The following CFDP1 variants were observed in gnomAD, a reference collection of about 807,000 sequenced individuals.
CFDP1 encodes the protein chromatin remodeling protein CFDP1.
In CFDP1, 31 loss-of-function variants were observed where a neutral mutation model predicts 40.1. The observed-to-expected ratio is 0.77, with a 90% CI of 0.58 to 1.04. The LOEUF is 1.04. CFDP1 is among the 50% of genes least tolerant of loss of function. The probability of loss-of-function intolerance (pLI) is 0.00; values close to 1 mark genes in which losing one functional copy is unlikely to be tolerated. For synonymous variants in CFDP1, 167 were observed against 120.0 expected, an observed-to-expected ratio of 1.39 and a Z score of -2.56; for missense variants, 423 against 343.4, an observed-to-expected ratio of 1.23 and a Z score of -1.83.
rs748081401 is a variant in CFDP1 at position 75,346,582 on chromosome 16, C to CAAAAAAAAAAA, written c.651-41411_651-41401dup. ...TGGGTGACAGAGCAAGACTCTGTCTCAAAAAAAAAAAAAAAAAAAAAAAAA... is the reference window on the plus strand; with the variant it reads ...TGGGTGACAGAGCAAGACTCTGTCTCAAAAAAAAAAAAAAAAAAAAAAAAAAAAAAAAAAAA... On this transcript the variant is annotated intron_variant, in intron 5 of 6. Coordinates refer to ENST00000283882, the MANE Select transcript of CFDP1 (RefSeq NM_006324.3). 8.3e-4 allele frequency among the ~76,000 whole-genome samples: 49 copies of CAAAAAAAAAAA among 59,342 alleles called. 2 individuals are homozygous for CAAAAAAAAAAA. Among genetic ancestry groups the CAAAAAAAAAAA allele is most frequent in the East Asian group, 2.4e-3 (4 of 1,666 alleles). 38.9% of individuals were successfully genotyped at this position (59,342 alleles called of 152,430 possible).
intron 5 of CFDP1, among the ~76,000 whole-genome samples, chr16:75,307,734 T>A (rs2078268339): frequency 6.6e-6 from 1 of 152,084 alleles, no homozygotes; most frequent in Admixed American, 6.6e-5. Flanking sequence ...ATCTTTTTTA[T>A]GTTTTGTAGA....
At chr16:75,357,195 G>A (rs904441501) in intron 5 of CFDP1, among the ~76,000 whole-genome samples, 30 of 151,900 alleles carry the variant, frequency 2.0e-4, no homozygotes, top group African/African-American at 7.0e-4. Context: ...TTACAGGTGT[G>A]AGCCACCTCG....
intron 5 of CFDP1, among the ~76,000 whole-genome samples, chr16:75,391,763 G>A (rs2078953397): frequency 2.0e-5 from 3 of 152,048 alleles, no homozygotes; most frequent in Middle Eastern, 3.4e-3. Context: ...GAGGTCAGGA[G>A]TTCAAGACCA....
Position 75,321,729 on chromosome 16 carries a change from A to C in CFDP1, c.651-16547T>G, listed in dbSNP as rs9926644. Among the ~76,000 whole-genome samples, 1,288 of 152,318 alleles carry C rather than the reference A, an allele frequency of 8.5e-3. 19 individuals carry two copies. The highest frequency in any genetic ancestry group is 0.029 in the African/African-American group (1,219 of 41,562). ...CACCCCTGCTTTAAACCATAAATTT[A>C]AGATTATATATAAGCATCCAGAAGA... On this transcript the variant is annotated intron_variant, in intron 5 of 6. Coordinates refer to ENST00000283882, the MANE Select transcript of CFDP1 (RefSeq NM_006324.3).
At chr16:75,392,977 A>G (rs1354366486) in intron 5 of CFDP1, among the ~76,000 whole-genome samples, 1 of 152,238 alleles carries the variant, frequency 6.6e-6, no homozygotes, top group Non-Finnish European at 1.5e-5. Flanking sequence ...TATGAAGTAG[A>G]TAAAGATGTA....
intron 5 of CFDP1, among the ~76,000 whole-genome samples, chr16:75,341,264 T>C (rs1415638930): frequency 1.3e-5 from 2 of 152,228 alleles, no homozygotes; most frequent in Non-Finnish European, 2.9e-5. Flanking sequence ...CCCGTCCACC[T>C]GCACCACATA....
rs146384384 is a variant in CFDP1, at chr16:75,406,004, G to A, written c.530+5821C>T. On this transcript the variant is annotated intron_variant, in intron 4 of 6. Transcript: ENST00000283882. ...CACCTGTAATCCCAGCACTTTGGGA[G>A]GCCAAAGCAGGAGGATCACTTGAGG... 4.4e-3 allele frequency among the ~76,000 whole-genome samples: 675 copies of A among 152,216 alleles called. 7 individuals carry two copies. The highest frequency in any genetic ancestry group is 0.016 in the African/African-American group (645 of 41,526).
chr16:75,415,493 A>T (rs1260029846), intron 1 of CFDP1, among the ~76,000 whole-genome samples: 1 of 152,222 alleles, frequency 6.6e-6, no homozygotes, highest in Non-Finnish European at 1.5e-5. Context: ...GCAGCATCCC[A>T]GAAGGCCCCC....
At chr16:75,397,562 G>C (rs1463924236) in intron 4 of CFDP1, among the ~76,000 whole-genome samples, 1 of 149,246 alleles carries the variant, frequency 6.7e-6, no homozygotes, top group Non-Finnish European at 1.5e-5. Flanking sequence ...CAGCACTTTG[G>C]GAGACTGAGG....
chr16:75,389,994 C>T (rs1246639512), intron 5 of CFDP1, among the ~76,000 whole-genome samples: 4 of 152,236 alleles, frequency 2.6e-5, no homozygotes, highest in African/African-American at 7.2e-5. Context: ...TAAACACGTA[C>T]ATTTTCACGT....
intron 5 of CFDP1, among the ~76,000 whole-genome samples, chr16:75,348,170 A>AG (rs2078583420): frequency 3.9e-5 from 6 of 152,170 alleles, no homozygotes; most frequent in African/African-American, 1.4e-4. Context: ...CCCAGGCTGG[A>AG]GTACAGTGGT....
At chr16:75,329,709 C>G (rs2078431191) in intron 5 of CFDP1, among the ~76,000 whole-genome samples, 1 of 152,200 alleles carries the variant, frequency 6.6e-6, no homozygotes, top group Non-Finnish European at 1.5e-5. Flanking sequence ...TCTACATGTG[C>G]AATCCTTTTT....
intron 5 of CFDP1, among the ~76,000 whole-genome samples, chr16:75,390,068 T>A (rs1015385645): frequency 6.6e-6 from 1 of 152,372 alleles, no homozygotes; most frequent in African/African-American, 2.4e-5. Context: ...TTATGTTCCA[T>A]CAGGGCTTTC....
At chr16:75,373,685 G>T (rs981109898) in intron 5 of CFDP1, among the ~76,000 whole-genome samples, 1 of 152,056 alleles carries the variant, frequency 6.6e-6, no homozygotes, top group African/African-American at 2.4e-5. Context: ...TATGAACGGG[G>T]TCTCCCTATG....
At chr16:75,357,656 T>C (rs181705293) in intron 5 of CFDP1, among the ~76,000 whole-genome samples, 1 of 152,324 alleles carries the variant, frequency 6.6e-6, no homozygotes, top group Non-Finnish European at 1.5e-5. Context: ...AATTGAAGGG[T>C]TAAGGCCTTA....
At chr16:75,352,181 A>T (rs3863447) in intron 5 of CFDP1, among the ~76,000 whole-genome samples, 74,903 of 151,562 alleles carry the variant, frequency 0.49, 20,002 homozygotes, top group Admixed American at 0.63. Context: ...TCTCTACCAA[A>T]AATACAAAAA....
At chr16:75,419,981 T>C (rs1597401807) in intron 1 of CFDP1, among the ~76,000 whole-genome samples, 1 of 151,970 alleles carries the variant, frequency 6.6e-6, no homozygotes, top group East Asian at 1.9e-4. Flanking sequence ...TTGTTCGAGA[T>C]CCAAGAACCC....
intron 5 of CFDP1, among the ~76,000 whole-genome samples, chr16:75,345,274 T>A (rs1025837486): frequency 6.6e-6 from 1 of 151,990 alleles, no homozygotes; most frequent in Non-Finnish European, 1.5e-5. Flanking sequence ...CTGGCCACCA[T>A]AGCAAAACCC....
chr16:75,412,466 T>C, intron 3 of CFDP1, 69 bp downstream of exon 3: 1 of 1,227,274 alleles, frequency 8.1e-7, no homozygotes, highest in Admixed American at 1.8e-5. Context: ...TCGATTTCCG[T>C]AGGCTTCAAA....
Sources: gnomAD v4.1 joint callset for allele counts (sites outside exome capture counted in the v4.1 genomes callset) on GRCh38, gnomAD v4.1.1 for gene constraint, MANE v1.5 for transcripts, NCBI Gene and HGNC (gene_info 2026-07-23, HGNC 2026-07-21) for gene names.